The following ULK4 variants were observed in gnomAD, a reference collection of about 807,000 sequenced individuals.
The protein encoded by ULK4 is inactive serine/threonine-protein kinase ULK4.
Under a neutral mutation model 160.6 loss-of-function variants are expected in ULK4, and 133 were observed. That is an observed-to-expected ratio of 0.83 (90% CI 0.72 to 0.96). The LOEUF (loss-of-function observed/expected upper bound fraction) is 0.96. Ranked by LOEUF, ULK4 falls within the 40% of genes least tolerant of loss-of-function variation. The pLI, the probability that ULK4 is intolerant of heterozygous loss-of-function variation, is 0.00. For synonymous variants in ULK4, 534 were observed against 539.8 expected (o/e 0.99, Z 0.15); for missense variants, 1,580 against 1,499.5 (o/e 1.05, Z -0.89).
At chr3:41,863,755 C>T (rs1027606169) in intron 17 of ULK4, among the ~76,000 whole-genome samples, 6 of 151,732 alleles carry the variant, frequency 4.0e-5, no homozygotes, top group South Asian at 2.1e-4. Context: ...AGCCAGGGCC[C>T]GAAACAGGGG....
At chr3:41,927,350 C>T (rs1480191711) in intron 5 of ULK4, among the ~76,000 whole-genome samples, 3 of 152,064 alleles carry the variant, frequency 2.0e-5, no homozygotes, top group Non-Finnish European at 2.9e-5. Flanking sequence ...GAAGGAAGCA[C>T]TAAACATGGA....
At chr3:41,641,381 G>A (rs150198364) in intron 30 of ULK4, among the ~76,000 whole-genome samples, 95 of 152,308 alleles carry the variant, frequency 6.2e-4, no homozygotes, top group Non-Finnish European at 1.1e-3. Flanking sequence ...TGAGAATCAA[G>A]TGGAATAGTT....
chr3:41,600,710 T>C (rs1190893840), intron 31 of ULK4, among the ~76,000 whole-genome samples: 1 of 152,228 alleles, frequency 6.6e-6, no homozygotes, highest in Non-Finnish European at 1.5e-5. Flanking sequence ...TACTGGATTA[T>C]AACTGTGGAT....
Position 41,578,549 on chromosome 3 carries a change from T to G in ULK4, c.3121-12419A>C, listed in dbSNP as rs1240845459. Among the ~76,000 whole-genome samples, 4 of 152,216 alleles carry G rather than the reference T, an allele frequency of 2.6e-5. No individual in the cohort carries two copies. The East Asian group carries it at 7.7e-4, about 29-fold the overall frequency. On this transcript the variant is annotated intron_variant, in intron 31 of 36. Coordinates refer to ENST00000301831, the MANE Select transcript of ULK4 (RefSeq NM_017886.4). ...AATTTTTCATCTCTCAGATAATCTT[T>G]TGTGTCTTTACTGGCATATTTTTAT...
At chr3:41,447,688 G>A (rs894486036) in intron 34 of ULK4, among the ~76,000 whole-genome samples, 2 of 152,110 alleles carry the variant, frequency 1.3e-5, no homozygotes, top group East Asian at 3.9e-4. Context: ...CGGGATCCTA[G>A]GGCTCGGTTT....
chr3:41,609,152 T>C (rs1288680830), intron 31 of ULK4, among the ~76,000 whole-genome samples: 8 of 152,196 alleles, frequency 5.3e-5, no homozygotes, highest in African/African-American at 1.7e-4. Context: ...GCTTTTTTTT[T>C]CATTGGGTAC....
At chr3:41,654,842 G>C (rs758582508) in intron 30 of ULK4, among the ~76,000 whole-genome samples, 27 of 152,204 alleles carry the variant, frequency 1.8e-4, no homozygotes, top group Admixed American at 5.9e-4. Context: ...GAGAAACCTT[G>C]TATTTTATTC....
At chr3:41,512,022 G>T (rs2085595566) in intron 32 of ULK4, among the ~76,000 whole-genome samples, 1 of 152,044 alleles carries the variant, frequency 6.6e-6, no homozygotes, top group Non-Finnish European at 1.5e-5. Flanking sequence ...GAATTAAAAA[G>T]AAAAATCAGA....
chr3:41,305,890 G>A (rs1481689953), intron 35 of ULK4, among the ~76,000 whole-genome samples: 1 of 146,560 alleles, frequency 6.8e-6, no homozygotes, highest in African/African-American at 2.6e-5. Flanking sequence ...TGGGATGTGA[G>A]GAGCACCTCT....
intron 35 of ULK4, among the ~76,000 whole-genome samples, chr3:41,257,781 T>C (rs1013986320): frequency 3.9e-5 from 6 of 152,144 alleles, no homozygotes; most frequent in African/African-American, 7.2e-5. Flanking sequence ...CACTAAAATG[T>C]AGATGCAACC....
intron 21 of ULK4, among the ~76,000 whole-genome samples, chr3:41,770,477 G>A (rs2039315836): frequency 6.7e-6 from 1 of 150,214 alleles, no homozygotes; most frequent in Non-Finnish European, 1.5e-5. Context: ...ACCAAAAATT[G>A]TGTAACGTAT....
intron 17 of ULK4, among the ~76,000 whole-genome samples, chr3:41,871,637 T>G (rs182133090): frequency 6.6e-6 from 1 of 152,234 alleles, no homozygotes; most frequent in Admixed American, 6.5e-5. Flanking sequence ...ACTATTCATA[T>G]AGCCTCTTTG....
chr3:41,333,136 A>T (rs901526653), intron 35 of ULK4, among the ~76,000 whole-genome samples: 1 of 152,258 alleles, frequency 6.6e-6, no homozygotes. Flanking sequence ...TAAATTGAAG[A>T]TATCATCTAC....
chr3:41,558,924 G>A (rs1026943076), intron 32 of ULK4, among the ~76,000 whole-genome samples: 45 of 144,768 alleles, frequency 3.1e-4, no homozygotes, highest in Middle Eastern at 3.6e-3. Flanking sequence ...TGTGCACAAC[G>A]TGCAGGTTAG....
At chr3:41,808,249 A>AG (rs1387870826) in intron 19 of ULK4, among the ~76,000 whole-genome samples, 4 of 152,132 alleles carry the variant, frequency 2.6e-5, no homozygotes, top group African/African-American at 9.7e-5. Flanking sequence ...TCCTGACTGT[A>AG]GGGGGGAAAT....
At chr3:41,910,679 C>G (rs1452998319) in intron 11 of ULK4, among the ~76,000 whole-genome samples, 1 of 151,774 alleles carries the variant, frequency 6.6e-6, no homozygotes, top group Admixed American at 6.6e-5. Context: ...AGTATTTATC[C>G]AAATAAAGAA....
intron 17 of ULK4, among the ~76,000 whole-genome samples, chr3:41,839,728 T>C (rs568214816): frequency 1.1e-4 from 16 of 152,236 alleles, no homozygotes; most frequent in African/African-American, 3.9e-4. Flanking sequence ...ACTAGTGAGT[T>C]CTGCAAGGTC....
chr3:41,445,625 A>G (rs2083280296), intron 34 of ULK4, among the ~76,000 whole-genome samples: 1 of 152,226 alleles, frequency 6.6e-6, no homozygotes, highest in African/African-American at 2.4e-5. Context: ...AAATGGGGAA[A>G]GGATCCCCTA....
At chr3:41,929,051 C>T (rs1351813395) in intron 5 of ULK4, among the ~76,000 whole-genome samples, 1 of 151,882 alleles carries the variant, frequency 6.6e-6, no homozygotes, top group Non-Finnish European at 1.5e-5. Context: ...AAAAAAATTT[C>T]AGGCCAATAT....
Sources: gnomAD v4.1 joint callset for allele counts (sites outside exome capture counted in the v4.1 genomes callset) on GRCh38, gnomAD v4.1.1 for gene constraint, MANE v1.5 for transcripts, NCBI Gene and HGNC (gene_info 2026-07-23, HGNC 2026-07-21) for gene names.